The following IDO1 variants were observed in gnomAD, a reference collection of about 807,000 sequenced individuals.
The protein encoded by IDO1 is indolamine 2,3 dioxygenase.
In IDO1, 35 loss-of-function variants were observed where a neutral mutation model predicts 38.8. That is an observed-to-expected ratio of 0.90 (90% CI 0.69 to 1.20). The LOEUF is 1.20. Among genes scored for constraint, IDO1 ranks in the 50% most tolerant of loss-of-function variants. The probability of loss-of-function intolerance (pLI) is 0.00; values close to 1 mark genes in which losing one functional copy is unlikely to be tolerated. For synonymous variants in IDO1, 171 were observed against 170.0 expected (o/e 1.01, Z -0.05); for missense variants, 509 against 485.1 (o/e 1.05, Z -0.46).
intron 5 of IDO1, among the ~76,000 whole-genome samples, chr8:39,921,909 G>A (rs184229442): frequency 6.6e-6 from 1 of 152,212 alleles, no homozygotes; most frequent in East Asian, 1.9e-4. Context: ...ACTCTACCTC[G>A]CAGATATCCT....
Position 39,917,898 on chromosome 8 carries a change from T to A in IDO1, c.111T>A (p.Asn37Lys). ...AGGAAAATCTACCTGATTTTTATAA[T>A]GACTGGATGTTCATTGCTAAACATC... ...NPQENLPDFY[N>K]DWMFIAKHLP... The change falls in exon 2 of 10, where the codon AAT becomes AAA. Residue 37 changes from asparagine (N) to lysine (K), a missense_variant. Physicochemically the swap from Asn to Lys is moderately conservative, Grantham distance 94 (BLOSUM62 0). Coordinates refer to ENST00000518237, the MANE Select transcript of IDO1 (RefSeq NM_002164.6). The A allele has an allele frequency of 6.2e-7, 1 of 1,608,044 alleles. No homozygotes were observed.
chr8:39,927,956 T>C lies in IDO1; in HGVS notation c.983T>C (p.Leu328Pro). 1.2e-6 allele frequency: 2 copies of C among 1,605,102 alleles called. No individual in the cohort carries two copies. ...GTCCTTTCAAAAGGTGATGCTGGCC[T>C]GCGGGAAGCTTATGACGCCTGTGTG... Reference protein sequence around the residue: ...EFVLSKGDAGLREAYDACVKA... With the variant: ...EFVLSKGDAGPREAYDACVKA... The change falls in exon 10 of 10, where the codon CTG becomes CCG. Residue 328 changes from leucine to proline, a missense_variant. Transcript: ENST00000518237.
intron 3 of IDO1, 78 bp from the exon 4 acceptor site, chr8:39,918,737 A>T: frequency 6.1e-5 from 42 of 683,020 alleles, no homozygotes; most frequent in Non-Finnish European, 9.5e-5. Flanking sequence ...CAGGAGCAAG[A>T]CTCCATCTCA....
At position 39,925,267 on chromosome 8, in the gene IDO1, G is replaced by T. The variant is rs1485920785; in HGVS notation, c.752G>T (p.Gly251Val). Residue 251 changes from glycine to valine, a missense_variant, in exon 9 of 10, where the codon GGG becomes GTG. Transcript: ENST00000518237. ...CTATCAGACGGTCTGGTGTATGAAG[G>T]GTTCTGGGAAGACCCAAAGGAGTTT... is the stretch of plus-strand genomic sequence containing the variant. ...PQLSDGLVYEGFWEDPKEFAG... is the reference protein window; with the variant it reads ...PQLSDGLVYEVFWEDPKEFAG... The T allele has an allele frequency of 6.2e-7, 1 of 1,613,026 alleles. No individual in the cohort carries two copies. Among genetic ancestry groups the T allele is most frequent in the Admixed American group, 1.7e-5 (1 of 59,944 alleles).
Position 39,917,944 on chromosome 8 carries a change from G to T in IDO1, c.157G>T (p.Gly53Cys). The T allele has an allele frequency of 6.2e-7, 1 of 1,612,936 alleles. No homozygotes were observed. Among genetic ancestry groups the T allele is most frequent in the Non-Finnish European group, 8.5e-7 (1 of 1,179,302 alleles). Residue 53 changes from glycine (G) to cysteine (C), a missense_variant, in exon 2 of 10, where the codon GGC becomes TGC. By Grantham distance (159) the Gly-to-Cys change is radical. Transcript: ENST00000518237. ...ACATCTGCCTGATCTCATAGAGTCTGGCCAGCTTCGAGAAAGAGTTGAGAA... is the reference window on the plus strand; with the variant it reads ...ACATCTGCCTGATCTCATAGAGTCTTGCCAGCTTCGAGAAAGAGTTGAGAA... ...AKHLPDLIESGQLRERVEKLN... is the reference protein window; with the variant it reads ...AKHLPDLIESCQLRERVEKLN...
chr8:39,918,171 A>C lies in IDO1; in HGVS notation c.267A>C (p.Ala89=), dbSNP rs774456014. 1 of 1,613,944 alleles carries C rather than the reference A, an allele frequency of 6.2e-7. No homozygotes were observed. Among genetic ancestry groups the C allele is most frequent in the Non-Finnish European group, 8.5e-7 (1 of 1,179,840 alleles). Residue 89 remains alanine (A), a synonymous_variant, in exon 3 of 10, where the codon GCA becomes GCC. Transcript: ENST00000518237. ...TAGTTCTGGGATGCATCACCATGGC[A>C]TATGTGTGGGGCAAAGGTCATGGAG... is the stretch of plus-strand genomic sequence containing the variant. ...ARLVLGCITM[A]YVWGKGHGDV...
intron 1 of IDO1, among the ~76,000 whole-genome samples, chr8:39,916,354 C>T (rs890153406): frequency 6.7e-6 from 1 of 150,222 alleles, no homozygotes; most frequent in Non-Finnish European, 1.5e-5. Context: ...TTGGTGTGCC[C>T]GTAGTCCCAG....
At position 39,928,589 on chromosome 8, in the gene IDO1, C is replaced by A. The variant is rs1022653332; in HGVS notation, c.*404C>A. On this transcript the variant is annotated 3_prime_UTR_variant, in exon 10 of 10. Transcript: ENST00000518237. The stretch of plus-strand genomic sequence containing the variant: ...TCTACTAAAAATACAAAAAATTAGC[C>A]GGGCGCGGTGGCGGGCACCTGTAGT... 6.4e-6 allele frequency: 1 copy of A among 155,216 alleles called. No homozygotes were observed. The highest frequency in any genetic ancestry group is 1.9e-4 in the South Asian group (1 of 5,150). 9.6% of individuals were successfully genotyped at this position (155,216 alleles called of 1,614,324 possible). A position where few individuals can be genotyped will look rare whatever the true frequency, so the allele number is the denominator to read the frequency against.
At chr8:39,925,467 C>T in intron 9 of IDO1, 96 bp downstream of exon 9, 1 of 1,171,668 alleles carries the variant, frequency 8.5e-7, no homozygotes, top group Non-Finnish European at 1.2e-6. Flanking sequence ...CTTATCTGAG[C>T]TTATCTGATA....
intron 8 of IDO1, 34 bp from the exon 9 acceptor site, chr8:39,925,189 T>A (rs1381721811): frequency 1.3e-6 from 2 of 1,546,618 alleles, no homozygotes; most frequent in Non-Finnish European, 1.7e-6. Flanking sequence ...ACCTAAAGAA[T>A]GATTTTTCTT....
At chr8:39,926,597 G>C (rs950896970) in intron 9 of IDO1, among the ~76,000 whole-genome samples, 13 of 152,174 alleles carry the variant, frequency 8.5e-5, no homozygotes, top group African/African-American at 3.1e-4. Flanking sequence ...TTAAACTTCT[G>C]TTTAACAGTC....
chr8:39,926,112 A>G (rs929311086), intron 9 of IDO1, among the ~76,000 whole-genome samples: 3 of 152,100 alleles, frequency 2.0e-5, no homozygotes, highest in Non-Finnish European at 4.4e-5. Context: ...GCGTGAACCC[A>G]GGAGGCGGAG....
chr8:39,921,104 G>C (rs902457298), intron 5 of IDO1, among the ~76,000 whole-genome samples: 6 of 152,168 alleles, frequency 3.9e-5, no homozygotes, highest in Admixed American at 1.3e-4. Context: ...ACCTTGAAGT[G>C]ACAAACATCT....
intron 9 of IDO1, 111 bp from the exon 10 acceptor site, chr8:39,927,719 A>C (rs1807388082): frequency 1.8e-6 from 1 of 550,968 alleles, no homozygotes; most frequent in Non-Finnish European, 3.1e-6. Flanking sequence ...CCTTGACCTC[A>C]GTGAATGCTA....
chr8:39,921,306 A>G (rs1188430067), intron 5 of IDO1, among the ~76,000 whole-genome samples: 1 of 152,084 alleles, frequency 6.6e-6, no homozygotes, highest in Non-Finnish European at 1.5e-5. Flanking sequence ...TGCAAAAATT[A>G]GCGGGGCATG....
At chr8:39,918,768 A>AC in intron 3 of IDO1, 47 bp from the exon 4 acceptor site, 2 of 452,272 alleles carry the variant, frequency 4.4e-6, no homozygotes, top group Non-Finnish European at 7.5e-6. Context: ...AAAAAAAAAA[A>AC]ACAACAACAA....
chr8:39,927,656 A>G (rs1484917232), intron 9 of IDO1, among the ~76,000 whole-genome samples, 174 bp from the exon 10 acceptor site: 1 of 152,158 alleles, frequency 6.6e-6, no homozygotes, highest in Non-Finnish European at 1.5e-5. Flanking sequence ...TACAATAATT[A>G]CGATTGCTAG....
chr8:39,917,015 C>T (rs753111635), intron 1 of IDO1, among the ~76,000 whole-genome samples: 2 of 152,156 alleles, frequency 1.3e-5, no homozygotes, highest in South Asian at 4.1e-4. Context: ...ATACAAAAAT[C>T]GTTATGTAAA....
intron 3 of IDO1, 69 bp from the exon 4 acceptor site, chr8:39,918,746 C>CAAAAAAAAA (rs1214540367): frequency 1.6e-4 from 46 of 294,844 alleles, no homozygotes; most frequent in Admixed American, 2.5e-4. Flanking sequence ...GACTCCATCT[C>CAAAAAAAAA]AAAAAAAAAA....
Sources: allele counts gnomAD v4.1 joint callset (sites outside exome capture counted in the v4.1 genomes callset), GRCh38; gene constraint gnomAD v4.1.1; transcripts MANE v1.5; gene names NCBI Gene and HGNC (gene_info 2026-07-23, HGNC 2026-07-21).